Variants in SGCD observed in about 807,000 individuals in gnomAD.
SGCD encodes the protein sarcoglycan delta.
In SGCD, 18 loss-of-function variants were observed where a neutral mutation model predicts 36.6. That is an observed-to-expected ratio of 0.49 (90% CI 0.34 to 0.73). The LOEUF is 0.73. SGCD is among the 30% of genes least tolerant of loss of function. The pLI is 0.01. For missense variants in SGCD, 387 were observed against 346.7 expected (o/e 1.12, Z -0.92); for synonymous variants, 133 against 130.6 (o/e 1.02, Z -0.12).
intron 3 of SGCD, among the ~76,000 whole-genome samples, chr5:156,484,630 A>G (rs1237924102): frequency 6.6e-6 from 1 of 152,170 alleles, no homozygotes; most frequent in African/African-American, 2.4e-5. Flanking sequence ...ATACTCGGAA[A>G]TGGCTTTTTT....
At chr5:156,488,990 C>A (rs1581066129) in intron 3 of SGCD, among the ~76,000 whole-genome samples, 1 of 152,002 alleles carries the variant, frequency 6.6e-6, no homozygotes, top group Non-Finnish European at 1.5e-5. Context: ...ACTCACTTCA[C>A]CTGGATAGAC....
chr5:155,750,043 A>AT, the SGCD span, among the ~76,000 whole-genome samples: 19 of 151,878 alleles, frequency 1.3e-4, 1 homozygote, highest in African/African-American at 2.2e-4. Context: ...TAATACATCC[A>AT]TTTTTTTTCC....
intron 2 of SGCD, among the ~76,000 whole-genome samples, chr5:156,334,500 C>T (rs141427500): frequency 8.5e-4 from 129 of 152,198 alleles, no homozygotes; most frequent in Non-Finnish European, 1.4e-3. Flanking sequence ...CTTGCAATGC[C>T]GTCAAGTCTT....
At chr5:156,700,172 C>G (rs1177284244) in intron 7 of SGCD, among the ~76,000 whole-genome samples, 2 of 152,170 alleles carry the variant, frequency 1.3e-5, no homozygotes, top group African/African-American at 4.8e-5. Context: ...ACAACATACA[C>G]TCATACTAAC....
chr5:156,161,081 A>G (rs1334741505), intron 3 of SGCD, among the ~76,000 whole-genome samples: 1 of 151,738 alleles, frequency 6.6e-6, no homozygotes, highest in Non-Finnish European at 1.5e-5. Flanking sequence ...GGCATAATAC[A>G]TTTCTTTACC....
chr5:155,952,636 C>T (rs1265436620), intron 1 of SGCD, among the ~76,000 whole-genome samples: 3 of 152,104 alleles, frequency 2.0e-5, no homozygotes, highest in Admixed American at 6.6e-5. Context: ...TGCATCCTGG[C>T]GCTGTAATGA....
chr5:155,873,610 C>T (rs1486163124), intron 1 of SGCD, among the ~76,000 whole-genome samples: 2 of 152,128 alleles, frequency 1.3e-5, no homozygotes, highest in Non-Finnish European at 2.9e-5. Context: ...GCACTCAAAG[C>T]CTAGACTTCC....
intron 1 of SGCD, among the ~76,000 whole-genome samples, chr5:156,019,935 T>C (rs1474234443): frequency 6.6e-6 from 1 of 152,204 alleles, no homozygotes; most frequent in Non-Finnish European, 1.5e-5. Flanking sequence ...CTGCTACTTA[T>C]GCACCTTCTC....
intron 3 of SGCD, among the ~76,000 whole-genome samples, chr5:156,499,307 C>T (rs532962175): frequency 1.3e-5 from 2 of 152,124 alleles, no homozygotes; most frequent in Non-Finnish European, 2.9e-5. Context: ...TGAGCACTTT[C>T]TGAACAATCT....
chr5:156,392,104 C>T (rs1323026861), intron 3 of SGCD, among the ~76,000 whole-genome samples: 2 of 152,180 alleles, frequency 1.3e-5, no homozygotes, highest in African/African-American at 2.4e-5. Context: ...CTTTGTATGG[C>T]TCCTGTTTCA....
intron 1 of SGCD, among the ~76,000 whole-genome samples, chr5:156,086,288 C>T (rs1487011176): frequency 1.3e-5 from 2 of 152,198 alleles, no homozygotes; most frequent in East Asian, 3.8e-4. Context: ...CTTTTTCCTT[C>T]TTCCTTCCTG....
At chr5:156,629,875 TTTTTA>T (rs1762569284) in intron 6 of SGCD, among the ~76,000 whole-genome samples, 2 of 147,756 alleles carry the variant, frequency 1.4e-5, no homozygotes, top group Non-Finnish European at 1.5e-5. Context: ...TTTTTTTTTT[TTTTTA>T]GATGGAGTTT....
In SGCD at chr5:155,988,038, G is replaced by T. The variant is rs576114249; in HGVS notation, c.-282+117614G>T. On this transcript the variant is annotated intron_variant, in intron 1 of 9. Transcript: ENST00000517913. The stretch of plus-strand genomic sequence containing the variant: ...ATTCCACATTGCAGATGAAGAGACA[G>T]GCTCAGAAGAAAGTTAAGTGACTTG... 8.5e-5 allele frequency among the ~76,000 whole-genome samples: 13 copies of T among 152,278 alleles called. No homozygotes were observed. In the East Asian group the frequency reaches 2.5e-3, roughly 29 times the overall value.
chr5:155,761,622 A>C, the SGCD span, among the ~76,000 whole-genome samples: 1 of 138,136 alleles, frequency 7.2e-6, no homozygotes, highest in Non-Finnish European at 1.5e-5. Context: ...CATCCTCATC[A>C]TCACTCTCTC....
the SGCD span, among the ~76,000 whole-genome samples, chr5:155,842,557 G>GT: frequency 6.6e-6 from 1 of 151,912 alleles, no homozygotes; most frequent in Non-Finnish European, 1.5e-5. Flanking sequence ...TCACGACAGA[G>GT]TGAGACTCCA....
intron 1 of SGCD, among the ~76,000 whole-genome samples, chr5:155,961,713 G>A (rs1453082669): frequency 6.6e-6 from 1 of 151,762 alleles, no homozygotes; most frequent in Non-Finnish European, 1.5e-5. Flanking sequence ...AACCAAATGT[G>A]AATTTTTTTT....
At chr5:156,718,278 T>C (rs1389895485) in intron 7 of SGCD, among the ~76,000 whole-genome samples, 3 of 152,116 alleles carry the variant, frequency 2.0e-5, no homozygotes, top group Non-Finnish European at 4.4e-5. Context: ...ATGAAAATAA[T>C]ACACCCTTTC....
intron 3 of SGCD, among the ~76,000 whole-genome samples, chr5:156,503,334 AT>A (rs1192545109): frequency 6.6e-6 from 1 of 152,068 alleles, no homozygotes; most frequent in Non-Finnish European, 1.5e-5. Context: ...ATTCCTTCTG[AT>A]TATGTCTGGG....
chr5:156,610,051 A>G (rs1199627303), intron 6 of SGCD, among the ~76,000 whole-genome samples: 1 of 152,194 alleles, frequency 6.6e-6, no homozygotes, highest in African/African-American at 2.4e-5. Flanking sequence ...AACTTGTCAA[A>G]GTCATTCTCC....
Sources: gnomAD v4.1 joint callset for allele counts (sites outside exome capture counted in the v4.1 genomes callset) on GRCh38, gnomAD v4.1.1 for gene constraint, MANE v1.5 for transcripts, NCBI Gene and HGNC (gene_info 2026-07-23, HGNC 2026-07-21) for gene names.